Variants in PCDH11Y observed in about 807,000 individuals in gnomAD.
The protein encoded by PCDH11Y is protocadherin-11 Y-linked.
For missense variants in PCDH11Y, 12 were observed against 224.8 expected (o/e 0.05, Z 6.05); for synonymous variants, 9 against 83.6 (o/e 0.11, Z 4.87).
chrY:5,090,612 T>C, intron 1 of PCDH11Y, among the ~76,000 whole-genome samples: 1 of 32,895 alleles, frequency 3.0e-5, no homozygotes, highest in African/African-American at 1.2e-4. Context: ...TAGCTCAATA[T>C]TCTGGGATCA....
intron 4 of PCDH11Y, among the ~76,000 whole-genome samples, chrY:5,701,378 G>T: frequency 6.1e-5 from 2 of 32,844 alleles, no homozygotes; most frequent in African/African-American, 1.2e-4. Flanking sequence ...CCGGCCCAGG[G>T]TCCCCCTGTT....
chrY:5,401,522 G>T, intron 2 of PCDH11Y, among the ~76,000 whole-genome samples: 2 of 32,741 alleles, frequency 6.1e-5, no homozygotes, highest in African/African-American at 1.2e-4. Flanking sequence ...ATGATTGTCT[G>T]TTGAACCTAT....
chrY:5,090,243 A>G, intron 1 of PCDH11Y, among the ~76,000 whole-genome samples: 1 of 33,463 alleles, frequency 3.0e-5, no homozygotes, highest in Non-Finnish European at 7.5e-5. Context: ...CTTCTTTAAA[A>G]CAATAGTTCA....
intron 2 of PCDH11Y, among the ~76,000 whole-genome samples, chrY:5,146,113 C>G: frequency 3.0e-5 from 1 of 33,701 alleles, no homozygotes; most frequent in Admixed American, 2.7e-4. Context: ...GTATTAGATT[C>G]TCATAGGAGC....
At chrY:5,706,038 T>A in intron 4 of PCDH11Y, among the ~76,000 whole-genome samples, 1 of 25,358 alleles carries the variant, frequency 3.9e-5, no homozygotes, top group African/African-American at 1.5e-4. Flanking sequence ...ACAGAAGCCT[T>A]TTTTTTTTTT....
chrY:5,198,472 A>G (rs2052923525), intron 2 of PCDH11Y, among the ~76,000 whole-genome samples: 1 of 32,632 alleles, frequency 3.1e-5, no homozygotes, highest in Non-Finnish European at 7.5e-5. Context: ...GTCAATTAAA[A>G]AGTAAATTTA....
downstream of PCDH11Y, among the ~76,000 whole-genome samples, chrY:5,108,001 G>C: frequency 2.1e-4 from 6 of 28,213 alleles, no homozygotes. Flanking sequence ...GGAGCTTGCA[G>C]TGAGCCGAGA....
chrY:5,329,880 A>C, intron 2 of PCDH11Y, among the ~76,000 whole-genome samples: 1 of 32,957 alleles, frequency 3.0e-5, no homozygotes, highest in Admixed American at 2.8e-4. Context: ...CGGTCTGAGG[A>C]CCTGAGGTCA....
At position 5,017,298 on chromosome Y, in the gene PCDH11Y, T is replaced by C. The variant is rs2052562467; in HGVS notation, c.-133-14608T>C. Among the ~76,000 whole-genome samples the C allele has an allele frequency of 1.0e-3, 35 of 33,642 alleles. No individual in the cohort carries two copies. The South Asian group carries it at 0.02, about 19-fold the overall frequency. The allele number at this position is 33,642 out of a possible 37,273, so 90.3% of individuals were successfully genotyped here. A position where few individuals can be genotyped will look rare whatever the true frequency, so the allele number is the denominator to read the frequency against. ...AGAGCCATGTATTCTTACTGCATAG[T>C]ATACATTTTTAGAGTAAATTCTTTT... is the stretch of plus-strand genomic sequence containing the variant. On this transcript the variant is annotated intron_variant, in intron 1 of 5. Coordinates refer to the PCDH11Y transcript ENST00000333703.
At chrY:5,117,320 A>G in intron 2 of PCDH11Y, among the ~76,000 whole-genome samples, 1 of 33,127 alleles carries the variant, frequency 3.0e-5, no homozygotes, top group Non-Finnish European at 7.5e-5. Flanking sequence ...AGCGGTGGTC[A>G]CTGTACTCAT....
chrY:5,497,394 C>T, intron 2 of PCDH11Y, among the ~76,000 whole-genome samples: 1 of 33,695 alleles, frequency 3.0e-5, no homozygotes, highest in South Asian at 6.7e-4. Flanking sequence ...CTCTAATGAC[C>T]ATTGATGATG....
intron 2 of PCDH11Y, among the ~76,000 whole-genome samples, chrY:5,410,763 C>T: frequency 3.3e-5 from 1 of 30,264 alleles, no homozygotes; most frequent in Non-Finnish European, 7.9e-5. Flanking sequence ...TTAGCTCCCA[C>T]TTATAGGTGA....
chrY:5,336,572 G>A (rs2053137707), intron 2 of PCDH11Y, among the ~76,000 whole-genome samples: 1 of 20,084 alleles, frequency 5.0e-5, no homozygotes, highest in African/African-American at 2.0e-4. Flanking sequence ...TTTCTAAACT[G>A]CACTGATGAT....
chrY:5,117,313 G>A (rs2052811939), intron 2 of PCDH11Y, among the ~76,000 whole-genome samples: 1 of 33,001 alleles, frequency 3.0e-5, no homozygotes, highest in South Asian at 6.9e-4. Context: ...TTCCCTGAGC[G>A]GTGGTCACTG....
chrY:5,028,256 C>A (rs1602840056), intron 1 of PCDH11Y, among the ~76,000 whole-genome samples: 2 of 33,432 alleles, frequency 6.0e-5, no homozygotes, highest in East Asian at 1.6e-3. Context: ...CATCACATAG[C>A]AAAATGTACA....
chrY:5,564,443 T>C, intron 3 of PCDH11Y, among the ~76,000 whole-genome samples: 2 of 33,149 alleles, frequency 6.0e-5, no homozygotes, highest in African/African-American at 1.2e-4. Flanking sequence ...GTGGGAATAA[T>C]GAGCTTTATT....
At chrY:5,556,004 C>T (rs1602942661) in intron 3 of PCDH11Y, among the ~76,000 whole-genome samples, 11 of 29,851 alleles carry the variant, frequency 3.7e-4, no homozygotes, top group Non-Finnish European at 7.2e-4. Context: ...ATTGCTGCAA[C>T]GAACATGCTG....
intron 2 of PCDH11Y, among the ~76,000 whole-genome samples, chrY:5,425,368 G>A: frequency 1.2e-4 from 4 of 33,014 alleles, no homozygotes; most frequent in Non-Finnish European, 2.2e-4. Context: ...GATGAGAAAC[G>A]GATGGAGAAT....
chrY:5,209,363 C>G, intron 2 of PCDH11Y, among the ~76,000 whole-genome samples: 2 of 33,229 alleles, frequency 6.0e-5, no homozygotes, highest in Non-Finnish European at 1.5e-4. Context: ...TCTCACTGTT[C>G]TGATGGCATT....
Sources: allele counts gnomAD v4.1 joint callset (sites outside exome capture counted in the v4.1 genomes callset), GRCh38; gene constraint gnomAD v4.1.1; transcripts MANE v1.5; gene names NCBI Gene and HGNC (gene_info 2026-07-23, HGNC 2026-07-21).